The following UNC13C variants were observed in gnomAD, a reference collection of about 807,000 sequenced individuals.
UNC13C encodes the protein unc-13 homolog C.
In UNC13C, 174 loss-of-function variants were observed where a neutral mutation model predicts 245.4. That is an observed-to-expected ratio of 0.71 (90% CI 0.63 to 0.80). The LOEUF (loss-of-function observed/expected upper bound fraction) is 0.80. Ranked by LOEUF, UNC13C falls within the 30% of genes least tolerant of loss-of-function variation. The pLI is 0.00. For missense variants in UNC13C, 2,829 were observed against 2,602.9 expected (o/e 1.09, Z -1.89); for synonymous variants, 992 against 895.1 (o/e 1.11, Z -1.93).
chr15:54,355,399 C>T (rs2039071490), intron 17 of UNC13C, among the ~76,000 whole-genome samples: 1 of 151,984 alleles, frequency 6.6e-6, no homozygotes, highest in Non-Finnish European at 1.5e-5. Flanking sequence ...CTTTATCACC[C>T]AGGGTGGAGT....
intron 17 of UNC13C, among the ~76,000 whole-genome samples, chr15:54,371,258 C>T (rs989584473): frequency 1.3e-5 from 2 of 152,078 alleles, no homozygotes; most frequent in African/African-American, 4.8e-5. Context: ...TTTTTAGATT[C>T]CATATATGAG....
intron 1 of UNC13C, among the ~76,000 whole-genome samples, chr15:53,988,578 G>A (rs1477041087): frequency 6.6e-6 from 1 of 151,860 alleles, no homozygotes; most frequent in Non-Finnish European, 1.5e-5. Context: ...ATAAGATTTA[G>A]TATTGCAACA....
chr15:54,587,053 C>T (rs955150253), intron 30 of UNC13C, among the ~76,000 whole-genome samples: 1 of 152,164 alleles, frequency 6.6e-6, no homozygotes, highest in African/African-American at 2.4e-5. Flanking sequence ...TGGCTGAAAA[C>T]TACCCAGATA....
chr15:54,548,107 G>A (rs1896564872), intron 27 of UNC13C, among the ~76,000 whole-genome samples: 1 of 151,846 alleles, frequency 6.6e-6, no homozygotes, highest in Non-Finnish European at 1.5e-5. Context: ...GTCACAGATT[G>A]CAGGCTACCT....
intron 10 of UNC13C, among the ~76,000 whole-genome samples, chr15:54,287,564 GA>G (rs1003089439): frequency 6.6e-6 from 1 of 152,074 alleles, no homozygotes; most frequent in African/African-American, 2.4e-5. Context: ...TCCCTTCAAA[GA>G]ACAAAGCTTA....
upstream of UNC13C, among the ~76,000 whole-genome samples, chr15:53,975,176 T>A (rs1893657254): frequency 6.6e-6 from 1 of 152,232 alleles, no homozygotes; most frequent in Non-Finnish European, 1.5e-5. Flanking sequence ...ACCCATACTT[T>A]AATGGAAAGC....
chr15:54,312,733 G>A (rs990471222), intron 13 of UNC13C, among the ~76,000 whole-genome samples: 2 of 151,714 alleles, frequency 1.3e-5, no homozygotes, highest in East Asian at 1.9e-4. Context: ...CATGAAATAG[G>A]GAGGGATTGA....
intron 30 of UNC13C, among the ~76,000 whole-genome samples, chr15:54,610,825 T>C (rs1448342375): frequency 1.3e-5 from 2 of 152,258 alleles, no homozygotes; most frequent in Admixed American, 6.5e-5. Flanking sequence ...ACGTACCTTT[T>C]ACATACACTG....
the UNC13C span, among the ~76,000 whole-genome samples, chr15:53,868,737 T>G: frequency 0.017 from 2,603 of 152,264 alleles, 52 homozygotes; most frequent in East Asian, 0.083. Flanking sequence ...AAGAATAAGT[T>G]AACTTTGAAG....
intron 4 of UNC13C, among the ~76,000 whole-genome samples, chr15:54,147,190 A>G (rs2032298138): frequency 2.0e-5 from 3 of 150,942 alleles, no homozygotes; most frequent in Admixed American, 6.6e-5. Context: ...TGCCCATGGC[A>G]GCTACCGAGC....
chr15:54,323,211 A>G (rs541093254), intron 14 of UNC13C, among the ~76,000 whole-genome samples: 11 of 152,174 alleles, frequency 7.2e-5, no homozygotes, highest in Non-Finnish European at 1.0e-4. Flanking sequence ...TGAAAACCCA[A>G]TAGGGAAAAA....
At chr15:54,175,670 G>A (rs1470812640) in intron 4 of UNC13C, among the ~76,000 whole-genome samples, 2 of 151,770 alleles carry the variant, frequency 1.3e-5, no homozygotes, top group African/African-American at 2.4e-5. Flanking sequence ...CCACCACCAC[G>A]CCCAGCTAAT....
chr15:54,594,374 T>C (rs1225214882), intron 30 of UNC13C, among the ~76,000 whole-genome samples: 2 of 151,932 alleles, frequency 1.3e-5, no homozygotes, highest in African/African-American at 4.8e-5. Flanking sequence ...TGGTGGGCGA[T>C]GCCTTAGAAC....
chr15:54,352,452 G>T (rs955517943), intron 17 of UNC13C, among the ~76,000 whole-genome samples: 1 of 150,946 alleles, frequency 6.6e-6, no homozygotes, highest in Non-Finnish European at 1.5e-5. Flanking sequence ...GAATAAAATG[G>T]TGTTGCATTA....
intron 2 of UNC13C, among the ~76,000 whole-genome samples, chr15:54,086,325 G>A (rs1372217469): frequency 1.3e-5 from 2 of 152,134 alleles, no homozygotes; most frequent in Admixed American, 6.5e-5. Flanking sequence ...AAAGATATGG[G>A]AATACTATAG....
chr15:54,512,444 G>C, intron 24 of UNC13C: 12 of 446,416 alleles, frequency 2.7e-5, no homozygotes, highest in South Asian at 1.9e-4. Flanking sequence ...CATACCTAAA[G>C]ACCATTGCAT....
downstream of UNC13C, chr15:54,632,127 C>G (rs1901467184): frequency 6.6e-6 from 1 of 152,088 alleles, no homozygotes; most frequent in Non-Finnish European, 1.5e-5. Context: ...ATTTGACATC[C>G]ATATATTTTG....
intron 13 of UNC13C, among the ~76,000 whole-genome samples, chr15:54,307,278 A>C (rs1367849301): frequency 6.6e-6 from 1 of 151,944 alleles, no homozygotes; most frequent in Non-Finnish European, 1.5e-5. Context: ...TTCCTGGTTC[A>C]TTTATGGCTG....
intron 2 of UNC13C, among the ~76,000 whole-genome samples, chr15:54,053,857 T>C (rs1897380529): frequency 6.6e-6 from 1 of 152,198 alleles, no homozygotes; most frequent in Non-Finnish European, 1.5e-5. Context: ...ATTGTTTGAA[T>C]TTTTAGCTCC....
Sources: gnomAD v4.1 joint callset for allele counts (sites outside exome capture counted in the v4.1 genomes callset) on GRCh38, gnomAD v4.1.1 for gene constraint, MANE v1.5 for transcripts, NCBI Gene and HGNC (gene_info 2026-07-23, HGNC 2026-07-21) for gene names.